The following ST7L variants were observed in gnomAD, a reference collection of about 807,000 sequenced individuals.
The protein encoded by ST7L is suppression of tumorigenicity 7 like.
ST7L carries 57 observed loss-of-function variants against 72.5 expected under a neutral mutation model. The ratio of observed to expected loss-of-function variants is 0.79; its 90% CI spans 0.64 to 0.98. The LOEUF (loss-of-function observed/expected upper bound fraction) is 0.98. ST7L is among the 50% of genes least tolerant of loss of function. The probability of loss-of-function intolerance (pLI) is 0.00; values close to 1 mark genes in which losing one functional copy is unlikely to be tolerated. For synonymous variants in ST7L, 221 were observed against 240.9 expected (o/e 0.92, Z 0.77); for missense variants, 576 against 672.2 (o/e 0.86, Z 1.58).
intron 3 of ST7L, among the ~76,000 whole-genome samples, chr1:112,602,883 A>G (rs1392216928): frequency 6.6e-6 from 1 of 151,612 alleles, no homozygotes; most frequent in East Asian, 1.9e-4. Context: ...ACGCCCGGCT[A>G]ATTTTTTTGT....
intron 14 of ST7L, among the ~76,000 whole-genome samples, chr1:112,533,326 A>AT (rs11484138): frequency 0.2 from 29,608 of 148,630 alleles, 3,474 homozygotes; most frequent in East Asian, 0.46. Flanking sequence ...ATTTTATTTT[A>AT]TTTTTTTTTT....
rs561134231 is a variant in ST7L at position 112,585,847 on chromosome 1, T to A, written c.702-1721A>T. ...GGCTACTAGAAAATTTAAAGTTACA[T>A]ATGTGGCTTGCATTATATTTCTAAT... On this transcript the variant is annotated intron_variant, in intron 6 of 14. Transcript: ENST00000358039. 1.2e-4 allele frequency among the ~76,000 whole-genome samples: 19 copies of A among 152,358 alleles called. 1 individual carries two copies. The South Asian group carries it at 3.9e-3, about 32-fold the overall frequency.
intron 14 of ST7L, chr1:112,540,874 TG>T: frequency 7.8e-7 from 1 of 1,274,274 alleles, no homozygotes. Context: ...TCCTACTACC[TG>T]GTAGAAATGC....
At chr1:112,530,309 C>A (rs995058418) in intron 14 of ST7L, 1 of 152,146 alleles carries the variant, frequency 6.6e-6, no homozygotes. Context: ...AGCCTTGGGC[C>A]TGCTCTTCTA....
intron 14 of ST7L, chr1:112,540,867 T>C (rs796088347): frequency 1.6e-6 from 2 of 1,281,814 alleles, no homozygotes; most frequent in African/African-American, 3.0e-5. Flanking sequence ...TTTTAACTCC[T>C]ACTACCTGGT....
In ST7L at chr1:112,525,731, C is replaced by A. The variant is rs1653281747; in HGVS notation, c.*282G>T. On this transcript the variant is annotated 3_prime_UTR_variant, in exon 15 of 15. Coordinates refer to ENST00000358039, the MANE Select transcript of ST7L (RefSeq NM_017744.5). ...GAGCCAAAATGCGGTGACTTGACTTCAACCCCAACAGCCCCTGTAAGTAGC... is the reference window on the plus strand; with the variant it reads ...GAGCCAAAATGCGGTGACTTGACTTAAACCCCAACAGCCCCTGTAAGTAGC... 7.0e-6 allele frequency: 2 copies of A among 285,594 alleles called. No individual in the cohort carries two copies. The highest frequency in any genetic ancestry group is 2.1e-5 in the African/African-American group (1 of 46,574). The allele number at this position is 285,594 out of a possible 1,614,324, so 17.7% of individuals were successfully genotyped here.
At chr1:112,595,876 T>C (rs942689968) in intron 5 of ST7L, among the ~76,000 whole-genome samples, 2 of 152,258 alleles carry the variant, frequency 1.3e-5, no homozygotes. Context: ...TGATGTCAAC[T>C]TAAAAATGTG....
chr1:112,526,138 G>A (rs1158788219), intron 14 of ST7L, 27 bp from the exon 15 acceptor site: 6 of 1,613,860 alleles, frequency 3.7e-6, no homozygotes, highest in Non-Finnish European at 5.1e-6. Flanking sequence ...GATACAAAAT[G>A]TTCAAGCCCT....
chr1:112,518,272 A>T, the ST7L span: 1 of 152,222 alleles, frequency 6.6e-6, no homozygotes, highest in East Asian at 1.9e-4. Context: ...GGAACATGCA[A>T]TGCAGCAGAA....
At chr1:112,542,162 T>C in intron 13 of ST7L, 72 bp from the exon 14 acceptor site, 2 of 1,386,394 alleles carry the variant, frequency 1.4e-6, no homozygotes, top group Non-Finnish European at 1.9e-6. Context: ...TCTTTTCAAA[T>C]GAAATCTGTT....
At chr1:112,579,008 A>C (rs1663614856) in intron 9 of ST7L, among the ~76,000 whole-genome samples, 1 of 152,170 alleles carries the variant, frequency 6.6e-6, no homozygotes, top group Non-Finnish European at 1.5e-5. Context: ...CTCTCAAAAT[A>C]ATGATATTTT....
intron 3 of ST7L, among the ~76,000 whole-genome samples, chr1:112,608,183 A>G (rs749176364): frequency 2.0e-5 from 3 of 151,960 alleles, no homozygotes; most frequent in Non-Finnish European, 4.4e-5. Flanking sequence ...ACTGTGCCCA[A>G]CTGATTTTAT....
At chr1:112,619,539 G>C, upstream of ST7L, 2 of 528,472 alleles carry the variant, frequency 3.8e-6, no homozygotes, top group Non-Finnish European at 6.7e-6. Flanking sequence ...TATTTGGTCG[G>C]ATGGAGGCCA....
chr1:112,591,704 A>T, intron 5 of ST7L, 101 bp from the exon 6 acceptor site: 1 of 701,852 alleles, frequency 1.4e-6, no homozygotes, highest in South Asian at 2.7e-5. Flanking sequence ...TAAATAATAT[A>T]TTCTTAAACA....
chr1:112,556,839 A>C (rs1470803049), intron 11 of ST7L, among the ~76,000 whole-genome samples: 1 of 151,726 alleles, frequency 6.6e-6, no homozygotes, highest in African/African-American at 2.4e-5. Context: ...CTGGTGGTGC[A>C]TGCCTGTAGT....
intron 6 of ST7L, 102 bp from the exon 7 acceptor site, chr1:112,584,228 T>A: frequency 8.2e-7 from 1 of 1,216,082 alleles, no homozygotes. Context: ...TACCTACACT[T>A]TTTCCATCTT....
chr1:112,563,080 G>A (rs890126543), intron 11 of ST7L, among the ~76,000 whole-genome samples: 6 of 149,880 alleles, frequency 4.0e-5, no homozygotes, highest in Non-Finnish European at 7.4e-5. Flanking sequence ...TTTTTAAAAA[G>A]TACCTATTAC....
intron 5 of ST7L, among the ~76,000 whole-genome samples, chr1:112,594,680 C>A (rs893278906): frequency 6.6e-6 from 1 of 152,128 alleles, no homozygotes; most frequent in Non-Finnish European, 1.5e-5. Flanking sequence ...AGATGGTTGT[C>A]ATGGGGAGGC....
At chr1:112,619,194 G>T, upstream of ST7L, 1 of 1,397,536 alleles carries the variant, frequency 7.2e-7, no homozygotes, top group Non-Finnish European at 9.8e-7. Flanking sequence ...GATAGTGGCG[G>T]ACCTGAAGTT....
Sources: allele counts gnomAD v4.1 joint callset (sites outside exome capture counted in the v4.1 genomes callset), GRCh38; gene constraint gnomAD v4.1.1; transcripts MANE v1.5; gene names NCBI Gene and HGNC (gene_info 2026-07-23, HGNC 2026-07-21).